The following PAPPA2 variants were observed in gnomAD, a reference collection of about 807,000 sequenced individuals.
PAPPA2 encodes the protein pappalysin-2.
PAPPA2 carries 86 observed loss-of-function variants against 176.4 expected under a neutral mutation model. The observed-to-expected ratio is 0.49, with a 90% CI of 0.41 to 0.58. The LOEUF is 0.58. PAPPA2 is among the 20% of genes least tolerant of loss of function. The pLI, the probability that PAPPA2 is intolerant of heterozygous loss-of-function variation, is 0.00. For missense variants in PAPPA2, 2,073 were observed against 2,256.9 expected, an observed-to-expected ratio of 0.92 and a Z score of 1.65; for synonymous variants, 809 against 852.2, an observed-to-expected ratio of 0.95 and a Z score of 0.88.
intron 17 of PAPPA2, among the ~76,000 whole-genome samples, chr1:176,777,040 A>C (rs1230710014): frequency 3.3e-5 from 5 of 152,096 alleles, no homozygotes; most frequent in African/African-American, 1.2e-4. Flanking sequence ...AAATGCTTTT[A>C]GTTTCAGCAA....
intron 2 of PAPPA2, among the ~76,000 whole-genome samples, chr1:176,570,107 T>C (rs1376377202): frequency 6.6e-6 from 1 of 152,246 alleles, no homozygotes; most frequent in African/African-American, 2.4e-5. Context: ...CTCATAGAAC[T>C]TTCGTTTTGT....
chr1:176,483,460 C>CTTTTTT (rs56705620), intron 1 of PAPPA2, among the ~76,000 whole-genome samples: 3 of 48,628 alleles, frequency 6.2e-5, no homozygotes, highest in African/African-American at 2.2e-4. Context: ...ACTCAGACAT[C>CTTTTTT]TTTTTTTTTT....
intron 12 of PAPPA2, among the ~76,000 whole-genome samples, chr1:176,714,052 G>T (rs944316599): frequency 1.3e-5 from 2 of 152,062 alleles, no homozygotes; most frequent in Non-Finnish European, 2.9e-5. Flanking sequence ...TGGACCCGGG[G>T]CAGATAGCAC....
At chr1:176,711,138 G>A (rs1661124334) in intron 11 of PAPPA2, among the ~76,000 whole-genome samples, 2 of 152,166 alleles carry the variant, frequency 1.3e-5, no homozygotes, top group Admixed American at 1.3e-4. Flanking sequence ...ACCCTAAGGA[G>A]ATGAACATTT....
chr1:176,840,104 G>C, intron 21 of PAPPA2, 69 bp from the exon 22 acceptor site: 1 of 1,235,712 alleles, frequency 8.1e-7, no homozygotes, highest in Non-Finnish European at 1.2e-6. Flanking sequence ...GCTGGGATGG[G>C]AGGAGTGGCA....
intron 14 of PAPPA2, among the ~76,000 whole-genome samples, chr1:176,760,215 T>G (rs1663636427): frequency 6.6e-6 from 1 of 152,204 alleles, no homozygotes; most frequent in South Asian, 2.1e-4. Context: ...GATTTAATTG[T>G]TTTTTTCTCT....
intron 5 of PAPPA2, 114 bp from the exon 6 acceptor site, chr1:176,692,012 C>A (rs570318565): frequency 2.1e-6 from 2 of 961,938 alleles, no homozygotes; most frequent in South Asian, 1.6e-5. Flanking sequence ...AGTAAGTGCT[C>A]ATTGAGCCTA....
At position 176,663,930 on chromosome 1, in the gene PAPPA2, A is replaced by G. The variant is rs1445686938; in HGVS notation, c.1992-7040A>G. Among the ~76,000 whole-genome samples, 4 of 152,126 alleles carry G rather than the reference A, an allele frequency of 2.6e-5. No homozygotes were observed. In the East Asian group the frequency reaches 7.7e-4, roughly 29 times the overall value. ...ATTTTTATCCTAATCTTCTAAATAA[A>G]TTTTGCTATGTGGGTCTCTTGATAT... is the stretch of plus-strand genomic sequence containing the variant. On this transcript the variant is annotated intron_variant, in intron 3 of 22. Transcript: ENST00000367662.
chr1:176,620,158 AG>A (rs1448927090), intron 3 of PAPPA2, among the ~76,000 whole-genome samples: 1 of 152,180 alleles, frequency 6.6e-6, no homozygotes, highest in Non-Finnish European at 1.5e-5. Flanking sequence ...GAATGGTGTG[AG>A]GGGTCTCTCT....
At chr1:176,713,404 A>G (rs1661229985) in intron 12 of PAPPA2, among the ~76,000 whole-genome samples, 1 of 152,194 alleles carries the variant, frequency 6.6e-6, no homozygotes, top group Non-Finnish European at 1.5e-5. Context: ...AGTTAACCAA[A>G]GCCTCTTCTT....
intron 1 of PAPPA2, among the ~76,000 whole-genome samples, chr1:176,534,223 G>T (rs1649956091): frequency 6.6e-6 from 1 of 152,124 alleles, no homozygotes; most frequent in South Asian, 2.1e-4. Context: ...GTACCTCCTA[G>T]CATTTCTCCC....
At chr1:176,522,541 C>A (rs11801416) in intron 1 of PAPPA2, among the ~76,000 whole-genome samples, 1 of 152,158 alleles carries the variant, frequency 6.6e-6, no homozygotes, top group African/African-American at 2.4e-5. Flanking sequence ...GAGACAATTA[C>A]GATGTCAGTT....
intron 22 of PAPPA2, among the ~76,000 whole-genome samples, chr1:176,840,620 G>A (rs2102993035): frequency 6.6e-6 from 1 of 152,222 alleles, no homozygotes; most frequent in South Asian, 2.1e-4. Flanking sequence ...CTGCTATTCA[G>A]TTACTAACCA....
At chr1:176,830,892 A>G (rs1347049050) in intron 21 of PAPPA2, among the ~76,000 whole-genome samples, 2 of 152,214 alleles carry the variant, frequency 1.3e-5, no homozygotes, top group Non-Finnish European at 2.9e-5. Context: ...CAGCATTTTA[A>G]GAAGCATTGC....
intron 17 of PAPPA2, among the ~76,000 whole-genome samples, chr1:176,786,662 G>A (rs1029782172): frequency 1.3e-5 from 2 of 152,224 alleles, no homozygotes; most frequent in Admixed American, 1.3e-4. Context: ...GCCAGGAACA[G>A]TCAGAGCCTG....
chr1:176,660,458 G>A (rs879296237), intron 3 of PAPPA2, among the ~76,000 whole-genome samples: 3 of 151,790 alleles, frequency 2.0e-5, no homozygotes, highest in Admixed American at 6.6e-5. Context: ...AAGTCATGTC[G>A]TTCGCAAATT....
At chr1:176,492,292 G>C (rs1442094363) in intron 1 of PAPPA2, among the ~76,000 whole-genome samples, 1 of 152,118 alleles carries the variant, frequency 6.6e-6, no homozygotes, top group Non-Finnish European at 1.5e-5. Context: ...CAGGATTTCT[G>C]TCTCCTCAGT....
At chr1:176,639,096 T>C (rs1656909744) in intron 3 of PAPPA2, among the ~76,000 whole-genome samples, 1 of 151,962 alleles carries the variant, frequency 6.6e-6, no homozygotes, top group Non-Finnish European at 1.5e-5. Context: ...AGAAGACCCA[T>C]CCATCCTTCT....
intron 4 of PAPPA2, among the ~76,000 whole-genome samples, chr1:176,684,496 A>G (rs952603929): frequency 5.9e-5 from 9 of 152,272 alleles, no homozygotes; most frequent in Middle Eastern, 3.4e-3. Flanking sequence ...AGGCAAGAGC[A>G]GGAACACCAA....
Sources: gnomAD v4.1 joint callset for allele counts (sites outside exome capture counted in the v4.1 genomes callset) on GRCh38, gnomAD v4.1.1 for gene constraint, MANE v1.5 for transcripts, NCBI Gene and HGNC (gene_info 2026-07-23, HGNC 2026-07-21) for gene names.